Variants in DPF2 observed in about 807,000 individuals in gnomAD.
DPF2 encodes the protein zinc finger protein ubi-d4.
DPF2 carries 10 observed loss-of-function variants against 59.6 expected under a neutral mutation model. That is an observed-to-expected ratio of 0.17 (90% CI 0.10 to 0.28). The LOEUF is 0.28. Ranked by LOEUF, DPF2 falls within the 10% of genes least tolerant of loss-of-function variation. DPF2 has a pLI of 1.00. For synonymous variants in DPF2, 189 were observed against 190.6 expected, an observed-to-expected ratio of 0.99 and a Z score of 0.07; for missense variants, 315 against 509.4, an observed-to-expected ratio of 0.62 and a Z score of 3.67.
rs778618525 is a variant in DPF2 at position 65,351,799 on chromosome 11, TTCTC to T, written c.*43_*46del. The T allele has an allele frequency of 1.3e-6, 2 of 1,587,234 alleles. No individual in the cohort carries two copies. Among genetic ancestry groups the T allele is most frequent in the South Asian group, 2.2e-5 (2 of 90,476 alleles). The stretch of plus-strand genomic sequence containing the variant: ...TGCTCCCCGACATATCTAAGGCTGT[TTCTC>T]TCCTCCACTTCATATTTCATACCCA... On this transcript the variant is annotated 3_prime_UTR_variant, in exon 11 of 11. Coordinates refer to ENST00000528416, the MANE Select transcript of DPF2 (RefSeq NM_006268.5).
Position 65,340,452 on chromosome 11 carries a change from G to A in DPF2, c.100G>A (p.Glu34Lys). 1.2e-6 allele frequency: 2 copies of A among 1,614,246 alleles called. No individual in the cohort carries two copies. The highest frequency in any genetic ancestry group is 1.7e-6 in the Non-Finnish European group (2 of 1,180,052). Residue 34 changes from glutamate to lysine, a missense_variant, in exon 2 of 11, where the codon GAG (glutamate) becomes AAG (lysine). By Grantham distance (56) the Glu-to-Lys change is moderately conservative (BLOSUM62 1). Transcript: ENST00000528416. The part of the protein sequence containing the change: ...CHNYNARLCA[E>K]RSVRLPFLDS... ...CAATTACAATGCTCGCCTCTGTGCT[G>A]AGCGCAGCGTGCGCCTGCCTTTCTT...
intron 3 of DPF2, 46 bp from the exon 4 acceptor site, chr11:65,341,353 G>A (rs1360315175): frequency 6.2e-7 from 1 of 1,611,238 alleles, no homozygotes; most frequent in East Asian, 2.2e-5. Flanking sequence ...AGAGCAGTCT[G>A]CTTTCAGCCC....
Position 65,343,988 on chromosome 11 carries a change from C to T in DPF2, c.559-3C>T. ...AAGGGTGTCTCTTTGCTCTTCTTGG[C>T]AGGGTAAGGGTGTGGGCAGTGCCCG... On this transcript the variant is annotated splice_region_variant and splice_polypyrimidine_tract_variant and intron_variant, in intron 5 of 10. Coordinates refer to ENST00000528416, the MANE Select transcript of DPF2 (RefSeq NM_006268.5). 6.2e-7 allele frequency: 1 copy of T among 1,614,128 alleles called. No homozygotes were observed.
chr11:65,340,599 C>T (rs2137691647), intron 2 of DPF2, 54 bp downstream of exon 2: 1 of 1,602,578 alleles, frequency 6.2e-7, no homozygotes, highest in African/African-American at 1.3e-5. Context: ...AGGAAGAAGC[C>T]TCCTCATCTT....
At chr11:65,337,781 T>TTTTG (rs539990159) in intron 1 of DPF2, among the ~76,000 whole-genome samples, 10 of 149,938 alleles carry the variant, frequency 6.7e-5, no homozygotes, top group Non-Finnish European at 1.5e-4. Flanking sequence ...CTGATGGTTT[T>TTTTG]TTTGTTTGTT....
chr11:65,339,858 T>C (rs1854310902), intron 1 of DPF2, among the ~76,000 whole-genome samples: 1 of 152,244 alleles, frequency 6.6e-6, no homozygotes, highest in South Asian at 2.1e-4. Flanking sequence ...TAGAATTTCA[T>C]TGTATGGATT....
At chr11:65,343,259 A>T (rs868846529) in intron 4 of DPF2, among the ~76,000 whole-genome samples, 24 of 140,368 alleles carry the variant, frequency 1.7e-4, no homozygotes, top group African/African-American at 6.2e-4. Flanking sequence ...GTATTGCGCC[A>T]TTGCACTCCA....
intron 1 of DPF2, among the ~76,000 whole-genome samples, chr11:65,334,192 A>T (rs1374903981): frequency 1.3e-5 from 2 of 152,134 alleles, no homozygotes; most frequent in East Asian, 3.9e-4. Flanking sequence ...GACGGTTTCC[A>T]GAGCATGGCG....
intron 4 of DPF2, 162 bp downstream of exon 4, chr11:65,341,724 C>G: frequency 1.1e-6 from 1 of 904,648 alleles, no homozygotes. Context: ...CAGGTACTGA[C>G]TGGCTTCTCT....
intron 4 of DPF2, 162 bp downstream of exon 4, chr11:65,341,724 C>T: frequency 1.1e-6 from 1 of 904,648 alleles, no homozygotes; most frequent in Non-Finnish European, 1.6e-6. Flanking sequence ...CAGGTACTGA[C>T]TGGCTTCTCT....
intron 6 of DPF2, chr11:65,344,364 C>G: frequency 3.2e-6 from 2 of 617,168 alleles, no homozygotes; most frequent in East Asian, 2.7e-5. Context: ...GTCTCCTGGC[C>G]TCAGTTAAGC....
intron 1 of DPF2, among the ~76,000 whole-genome samples, chr11:65,336,195 A>T (rs1435397156): frequency 6.6e-6 from 1 of 152,182 alleles, no homozygotes; most frequent in Admixed American, 6.5e-5. Context: ...ATGTGATGTC[A>T]GAAATGAAAG....
chr11:65,350,910 C>A (rs1178369871), intron 10 of DPF2, among the ~76,000 whole-genome samples: 1 of 150,374 alleles, frequency 6.7e-6, no homozygotes, highest in Admixed American at 6.6e-5. Flanking sequence ...ATCTGGGAGG[C>A]AGAGGTTAGA....
chr11:65,341,470 A>C lies in DPF2; in HGVS notation c.373A>C (p.Thr125Pro). 1 of 1,614,234 alleles carries C rather than the reference A, an allele frequency of 6.2e-7. No homozygotes were observed. The change falls in exon 4 of 11, where the codon ACT becomes CCT. Residue 125 changes from threonine (T) to proline (P), a missense_variant. Transcript: ENST00000528416. ...DGSSLEALLRTDPLEKRGAPD... is the reference protein window; with the variant it reads ...DGSSLEALLRPDPLEKRGAPD... The stretch of plus-strand genomic sequence containing the variant: ...CAGTAGTTTAGAGGCTCTGTTGCGC[A>C]CTGACCCCCTGGAGAAGCGAGGTGC...
chr11:65,341,529 C>T lies in DPF2; in HGVS notation c.432C>T (p.Gly144=). 1 of 1,614,136 alleles carries T rather than the reference C, an allele frequency of 6.2e-7. No homozygotes were observed. ...CCCGAGTTGATGATGACAGCCTGGG[C>T]GAGTTTCCTGTGACCAACAGTCGAG... is the stretch of plus-strand genomic sequence containing the variant. ...PDPRVDDDSL[G]EFPVTNSRAR... Residue 144 remains glycine, a synonymous_variant, in exon 4 of 11, where the codon GGC becomes GGT. Transcript: ENST00000528416.
intron 9 of DPF2, chr11:65,347,624 C>T (rs567480411): frequency 6.6e-6 from 1 of 151,918 alleles, no homozygotes; most frequent in South Asian, 2.1e-4. Context: ...ATGAACCCAC[C>T]ATGTCTGGCC....
Position 65,341,167 on chromosome 11 carries a change from A to G in DPF2, c.301+94A>G, listed in dbSNP as rs573587858. 169 of 1,354,954 alleles carry G rather than the reference A, an allele frequency of 1.2e-4. 1 individual carries two copies. The highest frequency in any genetic ancestry group is 1.7e-4 in the Non-Finnish European group (161 of 968,984). 83.9% of individuals were successfully genotyped at this position (1,354,954 alleles called of 1,614,324 possible). ...ATACCAGGCCCAGTACTAGATCCCA[A>G]ATATACTCAAATGAATATGATGTGA... On this transcript the variant is annotated intron_variant, in intron 3 of 10. Coordinates refer to ENST00000528416, the MANE Select transcript of DPF2 (RefSeq NM_006268.5).
chr11:65,344,326 G>T (rs1160699545), intron 6 of DPF2: 2 of 612,868 alleles, frequency 3.3e-6, no homozygotes, highest in Non-Finnish European at 5.7e-6. Flanking sequence ...CAGCAGGCAG[G>T]GTTGGCCTCT....
At chr11:65,337,881 C>T (rs1039555735) in intron 1 of DPF2, among the ~76,000 whole-genome samples, 8 of 151,748 alleles carry the variant, frequency 5.3e-5, no homozygotes, top group Non-Finnish European at 7.4e-5. Context: ...CTCGGCTCAC[C>T]GCAACCTCCG....
Sources: gnomAD v4.1 joint callset for allele counts (sites outside exome capture counted in the v4.1 genomes callset) on GRCh38, gnomAD v4.1.1 for gene constraint, MANE v1.5 for transcripts, NCBI Gene and HGNC (gene_info 2026-07-23, HGNC 2026-07-21) for gene names.